Variants in CPNE2 observed in about 807,000 individuals in gnomAD.
The protein encoded by CPNE2 is copine-2.
CPNE2 carries 42 observed loss-of-function variants against 69.7 expected under a neutral mutation model. The observed-to-expected ratio is 0.60, with a 90% confidence interval of 0.47 to 0.78. The LOEUF (loss-of-function observed/expected upper bound fraction) is 0.78. Ranked by LOEUF, CPNE2 falls within the 30% of genes least tolerant of loss-of-function variation. The pLI is 0.00. For missense variants in CPNE2, 587 were observed against 732.0 expected, an observed-to-expected ratio of 0.80 and a Z score of 2.29; for synonymous variants, 294 against 289.8, an observed-to-expected ratio of 1.01 and a Z score of -0.15.
At chr16:57,145,709 T>G (rs1486808210) in intron 14 of CPNE2, 2 of 247,858 alleles carry the variant, frequency 8.1e-6, no homozygotes, top group Non-Finnish European at 1.6e-5. Flanking sequence ...CAACTCCCAC[T>G]TTGCAGATGA....
Position 57,127,908 on chromosome 16 carries a change from G to T in CPNE2, c.1116+5G>T. ...CAGTTACCCCCAGACTGGAAGGTGA[G>T]TGAAACCGGAGTTAGTTTCCTTTTG... is the stretch of plus-strand genomic sequence containing the variant. On this transcript the variant is annotated splice_donor_5th_base_variant and intron_variant, in intron 12 of 15. Transcript: ENST00000290776. 2 of 1,614,112 alleles carry T rather than the reference G, an allele frequency of 1.2e-6. No homozygotes were observed. Among genetic ancestry groups the T allele is most frequent in the Non-Finnish European group, 1.7e-6 (2 of 1,179,970 alleles).
intron 1 of CPNE2, among the ~76,000 whole-genome samples, chr16:57,105,819 G>T (rs1355914022): frequency 6.6e-6 from 1 of 152,132 alleles, no homozygotes; most frequent in Non-Finnish European, 1.5e-5. Flanking sequence ...CAGGAGTCAG[G>T]ACCATGCTTT....
chr16:57,128,898 AT>A (rs2069818954), intron 12 of CPNE2, among the ~76,000 whole-genome samples: 2 of 152,164 alleles, frequency 1.3e-5, no homozygotes, highest in African/African-American at 2.4e-5. Flanking sequence ...GGCATCCTGT[AT>A]TCTATATGGC....
chr16:57,102,835 C>T (rs1331278294), intron 1 of CPNE2, among the ~76,000 whole-genome samples: 3 of 152,086 alleles, frequency 2.0e-5, no homozygotes, highest in African/African-American at 4.8e-5. Flanking sequence ...CTCCCGACTT[C>T]GGATGATCCG....
chr16:57,141,590 A>G (rs2069923009), intron 14 of CPNE2: 1 of 152,230 alleles, frequency 6.6e-6, no homozygotes, highest in Admixed American at 6.5e-5. Context: ...CTCAGGGTAC[A>G]CCAGTGGAGG....
At chr16:57,110,612 A>T in intron 1 of CPNE2, 96 bp from the exon 2 acceptor site, 1 of 724,982 alleles carries the variant, frequency 1.4e-6, no homozygotes, top group Non-Finnish European at 2.1e-6. Context: ...CCATCTCTCC[A>T]CTCACCTCTT....
chr16:57,146,507 TG>T lies in CPNE2; in HGVS notation c.1539+187del. ...CAGGCCTTGCCCCGGTGGTGGCCAT[TG>T]TGATAGTGTGAGCACTTGCTTCCAC... is the stretch of plus-strand genomic sequence containing the variant. On this transcript the variant is annotated intron_variant, in intron 15 of 15. Transcript: ENST00000290776. This position sits in a 1 kb window ranked among gnomAD's most constrained non-coding sequence, Gnocchi z 4.4. The T allele has an allele frequency of 1.7e-6, 1 of 597,002 alleles. No individual in the cohort carries two copies. Among genetic ancestry groups the T allele is most frequent in the Non-Finnish European group, 3.0e-6 (1 of 337,650 alleles). The allele number at this position is 597,002 out of a possible 1,614,324, so 37.0% of individuals were successfully genotyped here.
chr16:57,121,027 T>C, intron 7 of CPNE2, 66 bp from the exon 8 acceptor site: 2 of 1,198,266 alleles, frequency 1.7e-6, no homozygotes, highest in Non-Finnish European at 2.4e-6. Context: ...GCTTGGGGAG[T>C]TGAGAGGGGC....
rs1233517359 is a variant in CPNE2 at position 57,123,664 on chromosome 16, T to C, written c.927+191T>C. 5 of 620,482 alleles carry C rather than the reference T, an allele frequency of 8.1e-6. No homozygotes were observed. In the African/African-American group the frequency reaches 9.2e-5, roughly 11 times the overall value. The allele number at this position is 620,482 out of a possible 1,614,324, so 38.4% of individuals were successfully genotyped here. On this transcript the variant is annotated intron_variant, in intron 10 of 15. Transcript: ENST00000290776. ...TCTGGTCCTGCTGGGTGTGCCTGAG[T>C]TGGGGCTTAACTACAGGTCAGAGCA...
chr16:57,130,876 GGA>G lies in CPNE2; in HGVS notation c.1116+2977_1116+2978del, dbSNP rs1364309516. ...AGGTCTAAAGGCTGAGGAGGAGCCA[GGA>G]GAGGCGTGGAGGTGAATTGAAGCGG... On this transcript the variant is annotated intron_variant, in intron 12 of 15. Coordinates refer to ENST00000290776, the MANE Select transcript of CPNE2 (RefSeq NM_152727.6). The surrounding 1 kb of genome is among the most constrained non-coding windows in gnomAD (Gnocchi z 4.1). 4.6e-5 allele frequency among the ~76,000 whole-genome samples: 7 copies of G among 152,060 alleles called. No individual in the cohort carries two copies. Among genetic ancestry groups the G allele is most frequent in the Non-Finnish European group, 1.0e-4 (7 of 68,014 alleles).
intron 3 of CPNE2, among the ~76,000 whole-genome samples, chr16:57,115,134 A>C (rs2069709272): frequency 6.6e-6 from 1 of 152,102 alleles, no homozygotes; most frequent in South Asian, 2.1e-4. Flanking sequence ...ATCCTGAGGC[A>C]GGTGGGGTCT....
chr16:57,134,624 G>A (rs1434695555), intron 12 of CPNE2, 151 bp from the exon 13 acceptor site: 1 of 772,790 alleles, frequency 1.3e-6, no homozygotes, highest in Non-Finnish European at 2.2e-6. Flanking sequence ...GTGAAAAGCA[G>A]ATGTGGGGGG....
chr16:57,128,123 G>A (rs2069813412), intron 12 of CPNE2, among the ~76,000 whole-genome samples: 1 of 152,184 alleles, frequency 6.6e-6, no homozygotes, highest in Non-Finnish European at 1.5e-5. Context: ...GACCCATGTG[G>A]AGTGGGGGAG....
chr16:57,119,676 C>T (rs1239118979), intron 7 of CPNE2, 26 bp downstream of exon 7: 1 of 1,523,552 alleles, frequency 6.6e-7, no homozygotes, highest in South Asian at 1.2e-5. Context: ...GGACCCTGCT[C>T]CCCACCTTGC....
At position 57,109,494 on chromosome 16, in the gene CPNE2, A is replaced by G. The variant is rs558917392; in HGVS notation, c.-35-1214A>G. On this transcript the variant is annotated intron_variant, in intron 1 of 15. Coordinates refer to ENST00000290776, the MANE Select transcript of CPNE2 (RefSeq NM_152727.6). ...CTGCCTCAAAAAAAAAAAAAAAAGA[A>G]AGTAAAGGAATAAAAGAATGGCTAC... is the stretch of plus-strand genomic sequence containing the variant. Among the ~76,000 whole-genome samples the G allele has an allele frequency of 4.4e-4, 67 of 152,010 alleles. 1 individual carries two copies. The highest frequency in any genetic ancestry group is 7.9e-4 in the Non-Finnish European group (54 of 67,954).
chr16:57,110,566 G>C, intron 1 of CPNE2, 142 bp from the exon 2 acceptor site: 1 of 486,180 alleles, frequency 2.1e-6, no homozygotes, highest in Non-Finnish European at 3.6e-6. Flanking sequence ...TCAAACCTTT[G>C]CCTATGTTAT....
At chr16:57,107,631 C>CT (rs2069656025) in intron 1 of CPNE2, among the ~76,000 whole-genome samples, 1 of 152,220 alleles carries the variant, frequency 6.6e-6, no homozygotes. Flanking sequence ...CTCTCTGCTA[C>CT]TTCTCCTTAG....
Position 57,137,700 on chromosome 16 carries a change from A to G in CPNE2, c.1302+418A>G, listed in dbSNP as rs572334482. On this transcript the variant is annotated intron_variant, in intron 14 of 15. Transcript: ENST00000290776. ...ACTGTCTGGCCCTGGCCCTACACTC[A>G]GCAACAAGCCTAGAGCCTCACTGGC... 9.8e-5 allele frequency among the ~76,000 whole-genome samples: 15 copies of G among 152,328 alleles called. No individual in the cohort carries two copies. In the South Asian group the frequency reaches 3.1e-3, roughly 32 times the overall value.
At chr16:57,110,224 C>CTTTTTTTTTTTTT (rs145923720) in intron 1 of CPNE2, among the ~76,000 whole-genome samples, 2 of 119,060 alleles carry the variant, frequency 1.7e-5, no homozygotes, top group African/African-American at 6.1e-5. Context: ...CTTTTCTTTT[C>CTTTTTTTTTTTTT]TTTTTTTTTT....
Sources: allele counts gnomAD v4.1 joint callset (sites outside exome capture counted in the v4.1 genomes callset), GRCh38; gene constraint gnomAD v4.1.1; non-coding constraint Gnocchi (gnomAD v3.1); transcripts MANE v1.5; gene names NCBI Gene and HGNC (gene_info 2026-07-23, HGNC 2026-07-21).